The following RIMBP2 variants were observed in gnomAD, a reference collection of about 807,000 sequenced individuals.
RIMBP2 encodes RIMS-binding protein 2.
Under a neutral mutation model 118.6 loss-of-function variants are expected in RIMBP2, and 48 were observed. The ratio of observed to expected loss-of-function variants is 0.40; its 90% CI spans 0.32 to 0.51. The LOEUF (loss-of-function observed/expected upper bound fraction) is 0.51. RIMBP2 is among the 20% of genes least tolerant of loss of function. The pLI is 0.41. For missense variants in RIMBP2, 1,551 were observed against 1,768.3 expected, an observed-to-expected ratio of 0.88 and a Z score of 2.20; for synonymous variants, 762 against 742.9, an observed-to-expected ratio of 1.03 and a Z score of -0.42.
intron 1 of RIMBP2, among the ~76,000 whole-genome samples, chr12:130,696,208 G>A (rs1254748598): frequency 6.6e-6 from 1 of 152,178 alleles, no homozygotes; most frequent in Non-Finnish European, 1.5e-5. Flanking sequence ...ATGGGTACAC[G>A]CAAAACCTTA....
chr12:130,399,562 T>A (rs2074329906), intron 22 of RIMBP2, 117 bp downstream of exon 22: 2 of 1,212,152 alleles, frequency 1.6e-6, no homozygotes, highest in East Asian at 2.4e-5. Context: ...AGAAAAAAAA[T>A]TCAGGGTGTA....
chr12:130,640,881 G>T (rs1165051030), intron 1 of RIMBP2, among the ~76,000 whole-genome samples: 1 of 152,210 alleles, frequency 6.6e-6, no homozygotes, highest in Non-Finnish European at 1.5e-5. Flanking sequence ...TCTCTTTTCA[G>T]ATGTGAAAGA....
intron 12 of RIMBP2, 142 bp from the exon 13 acceptor site, chr12:130,437,433 A>C (rs1228482234): frequency 1.0e-5 from 7 of 696,236 alleles, no homozygotes; most frequent in Non-Finnish European, 2.4e-6. Flanking sequence ...CCCGCCAGGT[A>C]TGGAAGCTCC....
intron 1 of RIMBP2, among the ~76,000 whole-genome samples, chr12:130,711,208 A>C (rs1949894940): frequency 6.6e-6 from 1 of 152,202 alleles, no homozygotes; most frequent in Admixed American, 6.5e-5. Flanking sequence ...ATGACACTGC[A>C]TTCCAGCCTG....
In RIMBP2 at chr12:130,650,011, A is replaced by G. The variant is rs552765114; in HGVS notation, c.-351-21555T>C. ...ACTCTCAGAGATGAGGGAGGTGCAG[A>G]GTATATTGTTGAAGCTGAAAAAAAA... On this transcript the variant is annotated intron_variant, in intron 1 of 22. Coordinates refer to ENST00000690449, the MANE Select transcript of RIMBP2 (RefSeq NM_001393629.1). Among the ~76,000 whole-genome samples the G allele has an allele frequency of 2.6e-5, 4 of 151,336 alleles. No homozygotes were observed. The East Asian group carries it at 5.9e-4, about 22-fold the overall frequency.
intron 2 of RIMBP2, among the ~76,000 whole-genome samples, chr12:130,526,438 TG>T (rs1256953632): frequency 1.3e-5 from 2 of 152,200 alleles, no homozygotes; most frequent in African/African-American, 2.4e-5. Context: ...AAGAGATCAG[TG>T]GTAGGAATTG....
intron 4 of RIMBP2, among the ~76,000 whole-genome samples, chr12:130,479,901 C>A (rs968533187): frequency 6.6e-6 from 1 of 151,726 alleles, no homozygotes; most frequent in East Asian, 2.0e-4. Context: ...TTGCCCTCTG[C>A]GGGCCCTTCC....
intron 5 of RIMBP2, among the ~76,000 whole-genome samples, chr12:130,471,141 G>C (rs1030654201): frequency 6.6e-6 from 1 of 152,240 alleles, no homozygotes; most frequent in Non-Finnish European, 1.5e-5. Context: ...CCAGGCCCTG[G>C]AGGAGGGGCC....
chr12:130,599,563 A>G lies in RIMBP2; in HGVS notation c.-217+28759T>C, dbSNP rs565097822. Among the ~76,000 whole-genome samples, 3 of 152,342 alleles carry G rather than the reference A, an allele frequency of 2.0e-5. No homozygotes were observed. The South Asian group carries it at 6.2e-4, about 32-fold the overall frequency. On this transcript the variant is annotated intron_variant, in intron 2 of 22. Coordinates refer to ENST00000690449, the MANE Select transcript of RIMBP2 (RefSeq NM_001393629.1). ...CAAATAAAACTCAAAATATCATAAT[A>G]CCATGACTTACCCATTAAACTAACC...
intron 2 of RIMBP2, among the ~76,000 whole-genome samples, chr12:130,555,102 A>G (rs2056219434): frequency 6.6e-6 from 1 of 152,216 alleles, no homozygotes. Context: ...AAGACAAGTT[A>G]AAAGACTCAC....
At chr12:130,531,966 CGT>C in intron 2 of RIMBP2, among the ~76,000 whole-genome samples, 1 of 123,374 alleles carries the variant, frequency 8.1e-6, no homozygotes, top group Non-Finnish European at 1.7e-5. Flanking sequence ...TAATGAGATG[CGT>C]ATGTTTAGCC....
intron 4 of RIMBP2, among the ~76,000 whole-genome samples, chr12:130,501,994 G>A (rs1566155127): frequency 6.6e-6 from 1 of 152,216 alleles, no homozygotes; most frequent in South Asian, 2.1e-4. Context: ...AACGGAATTC[G>A]AGAAGTGCCT....
At position 130,622,225 on chromosome 12, in the gene RIMBP2, C is replaced by A. The variant is rs2061360987; in HGVS notation, c.-217+6097G>T. The stretch of plus-strand genomic sequence containing the variant: ...GGTAACAGGCAGGGCCTGTGGCTGA[C>A]TGGAGCAGACGTGAAGCCCCCACAA... On this transcript the variant is annotated intron_variant, in intron 2 of 22. Coordinates refer to ENST00000690449, the MANE Select transcript of RIMBP2 (RefSeq NM_001393629.1). The surrounding 1 kb of genome is among the most constrained non-coding windows in gnomAD (Gnocchi z 8.5). 6.6e-6 allele frequency among the ~76,000 whole-genome samples: 1 copy of A among 152,166 alleles called. No individual in the cohort carries two copies.
intron 2 of RIMBP2, among the ~76,000 whole-genome samples, chr12:130,536,107 C>T (rs2054057009): frequency 6.6e-6 from 1 of 151,926 alleles, no homozygotes; most frequent in African/African-American, 2.4e-5. Flanking sequence ...ATTTTTATTC[C>T]CCATTTTATG....
intron 2 of RIMBP2, among the ~76,000 whole-genome samples, chr12:130,604,737 C>T (rs1429355885): frequency 2.3e-5 from 1 of 42,676 alleles, no homozygotes. Context: ...GCACCACCAC[C>T]ACGCCCGGCT....
chr12:130,488,273 C>G (rs2082646286), intron 4 of RIMBP2, among the ~76,000 whole-genome samples: 1 of 152,052 alleles, frequency 6.6e-6, no homozygotes, highest in Non-Finnish European at 1.5e-5. Context: ...AATAAAACAT[C>G]TCTCGGAGAT....
At chr12:130,479,850 G>A (rs1187133197) in intron 4 of RIMBP2, among the ~76,000 whole-genome samples, 2 of 151,546 alleles carry the variant, frequency 1.3e-5, no homozygotes, top group African/African-American at 2.4e-5. Flanking sequence ...TTGGAGGGGC[G>A]GTGCTTAATC....
intron 4 of RIMBP2, among the ~76,000 whole-genome samples, chr12:130,486,750 A>G (rs2082522986): frequency 6.7e-6 from 1 of 149,162 alleles, no homozygotes; most frequent in Non-Finnish European, 1.5e-5. Flanking sequence ...ATGTGCACCC[A>G]AACTCCCCCC....
At chr12:130,400,345 T>C (rs1829266794) in intron 21 of RIMBP2, among the ~76,000 whole-genome samples, 2 of 152,184 alleles carry the variant, frequency 1.3e-5, no homozygotes. Flanking sequence ...TCAAACAATA[T>C]GGAGAAAATG....
Sources: gnomAD v4.1 joint callset for allele counts (sites outside exome capture counted in the v4.1 genomes callset) on GRCh38, gnomAD v4.1.1 for gene constraint, Gnocchi (gnomAD v3.1) non-coding constraint, MANE v1.5 for transcripts, NCBI Gene and HGNC (gene_info 2026-07-23, HGNC 2026-07-21) for gene names.